CELF2: variants seen among roughly 807,000 people sequenced by gnomAD.
CELF2 encodes CUG triplet repeat RNA-binding protein 2.
A neutral mutation model predicts 62.6 loss-of-function variants in CELF2; 8 were observed. The ratio of observed to expected loss-of-function variants is 0.13; its 90% confidence interval spans 0.07 to 0.23. The LOEUF (loss-of-function observed/expected upper bound fraction) is 0.23. Among genes scored for constraint, CELF2 ranks in the 10% least tolerant of loss-of-function variants. The pLI is 1.00. For synonymous variants in CELF2, 258 were observed against 250.0 expected, an observed-to-expected ratio of 1.03 and a Z score of -0.30; for missense variants, 333 against 671.0, an observed-to-expected ratio of 0.50 and a Z score of 5.56.
At chr10:10,702,220 A>G in the CELF2 span, among the ~76,000 whole-genome samples, 2 of 152,216 alleles carry the variant, frequency 1.3e-5, no homozygotes, top group African/African-American at 4.8e-5. Context: ...TGTTACCACT[A>G]AAAATGGGGA....
At chr10:11,122,033 C>A (rs10490953) in intron 1 of CELF2, among the ~76,000 whole-genome samples, 8,612 of 152,278 alleles carry the variant, frequency 0.057, 301 homozygotes, top group Non-Finnish European at 0.062. Flanking sequence ...CTGGAACGCT[C>A]CACACCCAGG....
At chr10:11,258,333 G>A (rs555518888) in intron 5 of CELF2, among the ~76,000 whole-genome samples, 400 of 152,352 alleles carry the variant, frequency 2.6e-3, no homozygotes, top group Non-Finnish European at 4.4e-3. Flanking sequence ...GTAGTGCAGA[G>A]CAGATAGGGA....
intron 3 of CELF2, among the ~76,000 whole-genome samples, chr10:11,228,718 CAAAAAAAAA>C (rs56167230): frequency 3.0e-5 from 4 of 135,166 alleles, no homozygotes; most frequent in African/African-American, 1.1e-4. Flanking sequence ...GCGCCCCTCG[CAAAAAAAAA>C]AAAAAAAAAA....
At chr10:11,146,025 A>G (rs913876685) in intron 1 of CELF2, among the ~76,000 whole-genome samples, 1 of 152,222 alleles carries the variant, frequency 6.6e-6, no homozygotes, top group Non-Finnish European at 1.5e-5. Flanking sequence ...TCCTTACAAC[A>G]GCATGGAGAG....
the CELF2 span, among the ~76,000 whole-genome samples, chr10:10,606,024 C>T: frequency 6.6e-6 from 1 of 152,144 alleles, no homozygotes; most frequent in Non-Finnish European, 1.5e-5. Context: ...TGACTCAGAA[C>T]GTTGGAAAGC....
At chr10:10,806,157 G>T (rs1387200601) in intron 1 of CELF2, among the ~76,000 whole-genome samples, 1 of 151,464 alleles carries the variant, frequency 6.6e-6, no homozygotes, top group African/African-American at 2.4e-5. Flanking sequence ...CACCACGAAG[G>T]GTATTTCCTG....
chr10:10,979,769 G>GT (rs1197837270), intron 2 of CELF2, among the ~76,000 whole-genome samples: 1 of 151,670 alleles, frequency 6.6e-6, no homozygotes, highest in African/African-American at 2.4e-5. Context: ...GACAATGCCC[G>GT]TAAGAGCAGA....
chr10:11,072,479 G>A (rs1283843880), intron 1 of CELF2, among the ~76,000 whole-genome samples: 1 of 152,204 alleles, frequency 6.6e-6, no homozygotes, highest in African/African-American at 2.4e-5. Context: ...TGCTCACTTT[G>A]TGAGGCTGGA....
intron 2 of CELF2, among the ~76,000 whole-genome samples, chr10:10,969,636 T>C (rs2050542394): frequency 6.6e-6 from 1 of 152,154 alleles, no homozygotes; most frequent in East Asian, 1.9e-4. Context: ...ACACTTATTA[T>C]TCAGGCACTA....
chr10:10,623,714 G>A, the CELF2 span, among the ~76,000 whole-genome samples: 145 of 152,358 alleles, frequency 9.5e-4, 1 homozygote, highest in South Asian at 2.3e-3. Flanking sequence ...TGACCATGAT[G>A]AGGATGTTAA....
In CELF2 at chr10:10,908,516, G is replaced by A. The variant is rs550239396; in HGVS notation, c.54-11448G>A. On this transcript the variant is annotated intron_variant, in intron 1 of 13. Transcript: ENST00000636488. The stretch of plus-strand genomic sequence containing the variant: ...ATTACAGGCATGAGCCACCGCGCCC[G>A]ACCTGAAGGGATATTTTTAAACATA... Among the ~76,000 whole-genome samples, 6 of 151,980 alleles carry A rather than the reference G, an allele frequency of 3.9e-5. No individual in the cohort carries two copies. The East Asian group carries it at 7.8e-4, about 20-fold the overall frequency.
chr10:10,778,769 G>A, the CELF2 span, among the ~76,000 whole-genome samples: 7 of 152,224 alleles, frequency 4.6e-5, no homozygotes, highest in African/African-American at 1.4e-4. Flanking sequence ...TGAGAATCTC[G>A]GTCTGCTGGG....
intron 1 of CELF2, among the ~76,000 whole-genome samples, chr10:10,906,720 T>TC (rs965185238): frequency 2.1e-5 from 3 of 141,080 alleles, no homozygotes; most frequent in South Asian, 2.4e-4. Context: ...TTCTTTTCTT[T>TC]TTTTTTTTTT....
chr10:11,035,902 C>A (rs1269023092), intron 1 of CELF2, among the ~76,000 whole-genome samples: 1 of 152,210 alleles, frequency 6.6e-6, no homozygotes, highest in Non-Finnish European at 1.5e-5. Context: ...AATATACCTG[C>A]TGGAGCTACA....
At chr10:11,063,243 T>C (rs558315644) in intron 1 of CELF2, among the ~76,000 whole-genome samples, 2 of 152,298 alleles carry the variant, frequency 1.3e-5, no homozygotes, top group East Asian at 3.9e-4. Flanking sequence ...CCTCAAGGTA[T>C]GTCAGTATTT....
intron 2 of CELF2, among the ~76,000 whole-genome samples, chr10:11,172,300 A>C (rs2069173238): frequency 6.6e-6 from 1 of 152,216 alleles, no homozygotes; most frequent in African/African-American, 2.4e-5. Context: ...GGACAAACAT[A>C]AAATGCAGTC....
intron 2 of CELF2, among the ~76,000 whole-genome samples, chr10:10,953,708 T>C (rs1166024294): frequency 6.6e-6 from 1 of 151,436 alleles, no homozygotes; most frequent in Non-Finnish European, 1.5e-5. Context: ...TTTGAAACCA[T>C]CAGACAAAAC....
At chr10:11,286,636 G>A (rs1391451049) in intron 8 of CELF2, among the ~76,000 whole-genome samples, 2 of 152,218 alleles carry the variant, frequency 1.3e-5, no homozygotes, top group African/African-American at 4.8e-5. Context: ...TGAAAAATGA[G>A]ACCAGGGCCT....
At chr10:11,137,267 T>G (rs2060585686) in intron 1 of CELF2, among the ~76,000 whole-genome samples, 1 of 152,148 alleles carries the variant, frequency 6.6e-6, no homozygotes, top group Non-Finnish European at 1.5e-5. Flanking sequence ...AGTTCTGGAG[T>G]CAATAGAGTA....
Sources: gnomAD v4.1 joint callset for allele counts (sites outside exome capture counted in the v4.1 genomes callset) on GRCh38, gnomAD v4.1.1 for gene constraint, MANE v1.5 for transcripts, NCBI Gene and HGNC (gene_info 2026-07-23, HGNC 2026-07-21) for gene names.